Variants in DLG2 observed in about 807,000 individuals in gnomAD.
The protein encoded by DLG2 is disks large homolog 2.
A neutral mutation model predicts 132.5 loss-of-function variants in DLG2; 45 were observed. The ratio of observed to expected loss-of-function variants is 0.34; its 90% CI spans 0.27 to 0.44. The LOEUF (loss-of-function observed/expected upper bound fraction) is 0.44, where lower values mean the gene tolerates loss of function less well. DLG2 is among the 20% of genes least tolerant of loss of function. DLG2 has a pLI of 1.00. For synonymous variants in DLG2, 424 were observed against 419.6 expected (o/e 1.01, Z -0.13); for missense variants, 1,045 against 1,196.9 (o/e 0.87, Z 1.87).
At chr11:84,159,948 A>T (rs1042506780) in intron 9 of DLG2, among the ~76,000 whole-genome samples, 1 of 152,202 alleles carries the variant, frequency 6.6e-6, no homozygotes, top group Non-Finnish European at 1.5e-5. Flanking sequence ...CATAAATAAT[A>T]TGGGAAATGA....
At chr11:83,839,231 T>C (rs2056987529) in intron 16 of DLG2, among the ~76,000 whole-genome samples, 1 of 152,178 alleles carries the variant, frequency 6.6e-6, no homozygotes, top group Non-Finnish European at 1.5e-5. Context: ...TTTTTGAAAC[T>C]CAGAAGATTT....
chr11:83,741,924 T>G (rs1304245731), intron 18 of DLG2, among the ~76,000 whole-genome samples: 1 of 151,906 alleles, frequency 6.6e-6, no homozygotes, highest in Non-Finnish European at 1.5e-5. Flanking sequence ...CTGAGAACCT[T>G]TCCCTGACAT....
At chr11:84,088,375 GAA>G (rs553371066) in intron 10 of DLG2, among the ~76,000 whole-genome samples, 11 of 110,668 alleles carry the variant, frequency 9.9e-5, no homozygotes, top group Middle Eastern at 5.4e-3. Flanking sequence ...ATTTGCTAGA[GAA>G]AAAAAAAAAA....
At chr11:84,453,048 T>A (rs1365933834) in intron 7 of DLG2, among the ~76,000 whole-genome samples, 1 of 151,508 alleles carries the variant, frequency 6.6e-6, no homozygotes, top group Admixed American at 6.6e-5. Flanking sequence ...CAAAAATATG[T>A]ATATCTACTA....
At chr11:85,128,476 T>C (rs1406125726) in intron 5 of DLG2, among the ~76,000 whole-genome samples, 2 of 152,190 alleles carry the variant, frequency 1.3e-5, no homozygotes, top group Non-Finnish European at 2.9e-5. Flanking sequence ...AGATTTACTT[T>C]TCGCAGTTCC....
chr11:84,720,876 G>A (rs947076699), intron 6 of DLG2: 16 of 140,516 alleles, frequency 1.1e-4, no homozygotes, highest in African/African-American at 4.1e-4. Context: ...TGCAGCTCCC[G>A]ATTTGGTAAA....
At chr11:84,442,423 C>A (rs2099019969) in intron 7 of DLG2, among the ~76,000 whole-genome samples, 1 of 151,984 alleles carries the variant, frequency 6.6e-6, no homozygotes. Flanking sequence ...CAAAGTAACA[C>A]AGGAACAGAA....
chr11:84,018,348 A>G (rs1027107418), intron 11 of DLG2, among the ~76,000 whole-genome samples: 1 of 152,024 alleles, frequency 6.6e-6, no homozygotes, highest in Non-Finnish European at 1.5e-5. Context: ...GATGACAAGG[A>G]AACAACTCAT....
chr11:84,849,617 G>C (rs2081941643), intron 6 of DLG2, among the ~76,000 whole-genome samples: 1 of 152,020 alleles, frequency 6.6e-6, no homozygotes, highest in Non-Finnish European at 1.5e-5. Context: ...TAGCACAACT[G>C]GTTCCTTCTT....
At chr11:84,031,609 G>A (rs2095694443) in intron 11 of DLG2, among the ~76,000 whole-genome samples, 1 of 152,154 alleles carries the variant, frequency 6.6e-6, no homozygotes, top group Admixed American at 6.6e-5. Context: ...GCTTCACACA[G>A]CATTGAAAGT....
chr11:84,924,017 C>G (rs568145781), intron 6 of DLG2, among the ~76,000 whole-genome samples: 1 of 151,894 alleles, frequency 6.6e-6, no homozygotes, highest in East Asian at 1.9e-4. Flanking sequence ...GCAACTGCTG[C>G]TGAATGTAAA....
intron 6 of DLG2, among the ~76,000 whole-genome samples, chr11:84,796,727 C>T (rs891397752): frequency 8.6e-5 from 13 of 152,012 alleles, no homozygotes; most frequent in Non-Finnish European, 1.2e-4. Context: ...CACTCTCTCC[C>T]GGCCTATAAG....
At chr11:84,829,061 G>C (rs1056247390) in intron 6 of DLG2, among the ~76,000 whole-genome samples, 5 of 151,572 alleles carry the variant, frequency 3.3e-5, no homozygotes, top group African/African-American at 1.2e-4. Flanking sequence ...GGATATTTCA[G>C]GTTACACAAA....
chr11:83,844,807 C>G (rs1441791709), intron 16 of DLG2, among the ~76,000 whole-genome samples: 1 of 151,994 alleles, frequency 6.6e-6, no homozygotes, highest in Non-Finnish European at 1.5e-5. Context: ...ATGAGATGGG[C>G]TCATCTGGCC....
chr11:85,342,652 T>C (rs890379595), intron 3 of DLG2, among the ~76,000 whole-genome samples: 3 of 152,234 alleles, frequency 2.0e-5, no homozygotes, highest in African/African-American at 7.2e-5. Flanking sequence ...TTACGTGCTG[T>C]GCATAATTGT....
intron 8 of DLG2, among the ~76,000 whole-genome samples, chr11:84,217,576 C>A (rs1028495838): frequency 6.6e-6 from 1 of 152,154 alleles, no homozygotes; most frequent in Non-Finnish European, 1.5e-5. Context: ...ACTAATACAA[C>A]CATCAATAGC....
intron 6 of DLG2, among the ~76,000 whole-genome samples, chr11:84,805,397 T>C (rs1233222101): frequency 1.3e-5 from 2 of 151,668 alleles, no homozygotes; most frequent in Non-Finnish European, 2.9e-5. Flanking sequence ...GAAAAAAAAA[T>C]AGAGAATCAA....
intron 11 of DLG2, among the ~76,000 whole-genome samples, chr11:84,003,209 A>C (rs1360285493): frequency 6.6e-6 from 1 of 152,134 alleles, no homozygotes; most frequent in African/African-American, 2.4e-5. Flanking sequence ...TGTCCATATC[A>C]CTATCAGCAT....
chr11:84,582,264 G>A (rs1592898367), intron 6 of DLG2, among the ~76,000 whole-genome samples: 1 of 151,260 alleles, frequency 6.6e-6, no homozygotes, highest in Non-Finnish European at 1.5e-5. Flanking sequence ...GACTTGAATT[G>A]CAGGGATCAA....
Sources: gnomAD v4.1 joint callset for allele counts (sites outside exome capture counted in the v4.1 genomes callset) on GRCh38, gnomAD v4.1.1 for gene constraint, MANE v1.5 for transcripts, NCBI Gene and HGNC (gene_info 2026-07-23, HGNC 2026-07-21) for gene names.